The following EPB41L1 variants were observed in gnomAD, a reference collection of about 807,000 sequenced individuals.
The protein encoded by EPB41L1 is erythrocyte membrane protein band 4.1 like 1.
In EPB41L1, 29 loss-of-function variants were observed where a neutral mutation model predicts 97.8. The ratio of observed to expected loss-of-function variants is 0.30; its 90% confidence interval spans 0.22 to 0.40. The LOEUF is 0.40. EPB41L1 is among the 10% of genes least tolerant of loss of function. The probability of loss-of-function intolerance (pLI) is 1.00; values close to 1 mark genes in which losing one functional copy is unlikely to be tolerated. For missense variants in EPB41L1, 812 were observed against 1,162.3 expected (o/e 0.70, Z 4.38); for synonymous variants, 383 against 459.2 (o/e 0.83, Z 2.12).
chr20:36,154,375 G>A (rs1195782362), upstream of EPB41L1, among the ~76,000 whole-genome samples: 1 of 152,136 alleles, frequency 6.6e-6, no homozygotes, highest in East Asian at 1.9e-4. This position sits in a 1 kb window ranked among gnomAD's most constrained non-coding sequence, Gnocchi z 5.5. Context: ...GAGGCCCGGG[G>A]CTGGCTAGGA....
At chr20:36,152,001 G>T (rs1401628997), upstream of EPB41L1, 1 of 152,176 alleles carries the variant, frequency 6.6e-6, no homozygotes, top group Non-Finnish European at 1.5e-5. Context: ...CAGCTACTCG[G>T]GAGGCTGAGG....
In EPB41L1 at chr20:36,101,691, G is replaced by A. The variant is rs149111951; in HGVS notation, c.-65+10079G>A. On this transcript the variant is annotated intron_variant, in intron 1 of 19. Coordinates refer to the EPB41L1 transcript ENST00000202028. Reference sequence around the variant, plus strand: ...TTGTTTCCCCCTAAGAGCAACAAAGGTGAGCATGCTAAAAAGCAAAATAAA... The same window carrying A: ...TTGTTTCCCCCTAAGAGCAACAAAGATGAGCATGCTAAAAAGCAAAATAAA... 6.5e-3 allele frequency among the ~76,000 whole-genome samples: 984 copies of A among 152,268 alleles called. 13 individuals carry two copies. The highest frequency in any genetic ancestry group is 0.021 in the African/African-American group (893 of 41,554).
At chr20:36,104,590 C>T (rs2058131104) in intron 1 of EPB41L1, among the ~76,000 whole-genome samples, 2 of 152,118 alleles carry the variant, frequency 1.3e-5, no homozygotes, top group Admixed American at 1.3e-4. Context: ...CCTCTCTGCC[C>T]AGGCTTGTGC....
intron 2 of EPB41L1, among the ~76,000 whole-genome samples, chr20:36,140,938 G>A (rs2059614603): frequency 6.6e-6 from 1 of 152,238 alleles, no homozygotes; most frequent in Non-Finnish European, 1.5e-5. Context: ...CGAGGAGGCA[G>A]CAAGAGCCTG....
At chr20:36,210,346 G>A (rs549603030) in intron 15 of EPB41L1, among the ~76,000 whole-genome samples, 1 of 152,156 alleles carries the variant, frequency 6.6e-6, no homozygotes, top group East Asian at 1.9e-4. Flanking sequence ...ATCTGGCCCT[G>A]GGGTCTCAGG....
intron 2 of EPB41L1, among the ~76,000 whole-genome samples, chr20:36,174,250 G>C (rs1282887014): frequency 6.6e-5 from 10 of 151,726 alleles, no homozygotes. Flanking sequence ...ACCGCACCTG[G>C]CTAATTGTTT....
rs1389843537 is a variant in EPB41L1, at chr20:36,225,797, C to T, written c.2637+3403C>T. ...CCCAGGCTCCCGCCTTCCCATTTCCCTAGCCATTCAGAGCCCTCATCCTGG... is the reference window on the plus strand; with the variant it reads ...CCCAGGCTCCCGCCTTCCCATTTCCTTAGCCATTCAGAGCCCTCATCCTGG... On this transcript the variant is annotated intron_variant, in intron 21 of 21. Transcript: ENST00000338074. 2.0e-5 allele frequency among the ~76,000 whole-genome samples: 3 copies of T among 152,172 alleles called. No homozygotes were observed. The East Asian group carries it at 5.8e-4, about 29-fold the overall frequency.
At position 36,111,766 on chromosome 20, in the gene EPB41L1, G is replaced by C. The variant is rs540162850; in HGVS notation, c.-64-660G>C. Among the ~76,000 whole-genome samples the C allele has an allele frequency of 2.0e-4, 27 of 134,888 alleles. 1 individual carries two copies. Among genetic ancestry groups the C allele is most frequent in the African/African-American group, 8.2e-4 (27 of 32,962 alleles). 88.5% of individuals were successfully genotyped at this position (134,888 alleles called of 152,430 possible). On this transcript the variant is annotated intron_variant, in intron 1 of 19. Transcript: ENST00000202028. ...CGCACCATTGCACTCCAGCCTGGGC[G>C]ACAGAGCGAGACTCTGTCTCAAAAA...
chr20:36,111,803 A>AG (rs1313588273), intron 1 of EPB41L1, among the ~76,000 whole-genome samples: 1 of 151,376 alleles, frequency 6.6e-6, no homozygotes, highest in African/African-American at 2.4e-5. Context: ...AAAAAAAAAA[A>AG]AGAGAAAAGA....
chr20:36,102,267 C>T (rs757933811), intron 1 of EPB41L1, among the ~76,000 whole-genome samples: 6 of 152,124 alleles, frequency 3.9e-5, no homozygotes, highest in Non-Finnish European at 7.3e-5. Flanking sequence ...ATGGCATGCA[C>T]AATGTTAAGA....
chr20:36,218,959 T>A lies in EPB41L1; in HGVS notation c.2352T>A (p.Ser784=). The A allele has an allele frequency of 6.2e-7, 1 of 1,614,116 alleles. No homozygotes were observed. The change falls in exon 18 of 22, where the codon TCT becomes TCA. Residue 784 remains serine, a synonymous_variant. Transcript: ENST00000338074. ...TGGCCACGGAAATCCGTTCTCTTTC[T>A]CCGGTAAGTGGGCAAGGCCAGCTCA... ...QTVATEIRSL[S]PIIGKDVLTS...
chr20:36,222,266 C>G lies in EPB41L1; in HGVS notation c.2521-12C>G. ...GTTCATGGTTCCTTCCTTTGCTGTT[C>G]TTTACCACCAGGCCCTGGCTTTGGC... On this transcript the variant is annotated splice_polypyrimidine_tract_variant and intron_variant, in intron 20 of 21. Coordinates refer to ENST00000338074, the MANE Select transcript of EPB41L1 (RefSeq NM_012156.2). 2.5e-6 allele frequency: 4 copies of G among 1,607,828 alleles called. No individual in the cohort carries two copies. The highest frequency in any genetic ancestry group is 3.4e-6 in the Non-Finnish European group (4 of 1,174,306).
At chr20:36,156,955 A>G (rs1259858695) in intron 1 of EPB41L1, among the ~76,000 whole-genome samples, 3 of 152,090 alleles carry the variant, frequency 2.0e-5, no homozygotes, top group East Asian at 3.9e-4. Flanking sequence ...GGCGTGCGCC[A>G]TTGCGCACGC....
chr20:36,228,003 C>G (rs188777577), intron 21 of EPB41L1, among the ~76,000 whole-genome samples: 6 of 152,318 alleles, frequency 3.9e-5, no homozygotes, highest in Admixed American at 3.9e-4. Context: ...AAAACAGGAA[C>G]CTTGGGTTTT....
At chr20:36,193,113 C>T (rs992695427) in intron 11 of EPB41L1, among the ~76,000 whole-genome samples, 1 of 152,170 alleles carries the variant, frequency 6.6e-6, no homozygotes, top group Admixed American at 6.5e-5. Context: ...ATTACTATGT[C>T]AGGAGCCAAA....
upstream of EPB41L1, chr20:36,154,682 G>T: frequency 2.0e-6 from 2 of 981,374 alleles, no homozygotes; most frequent in South Asian, 9.1e-5. The surrounding 1 kb of genome is among the most constrained non-coding windows in gnomAD (Gnocchi z 5.5). Flanking sequence ...CCGGGGCTGT[G>T]GGCACCGTGC....
chr20:36,219,287 G>A (rs1182180625), intron 18 of EPB41L1, among the ~76,000 whole-genome samples: 1 of 152,180 alleles, frequency 6.6e-6, no homozygotes, highest in Non-Finnish European at 1.5e-5. Flanking sequence ...GGACTAGGAG[G>A]CCAGAGGCTT....
intron 13 of EPB41L1, among the ~76,000 whole-genome samples, chr20:36,197,457 C>A (rs576492233): frequency 6.6e-6 from 1 of 152,308 alleles, no homozygotes; most frequent in Non-Finnish European, 1.5e-5. Flanking sequence ...AGCTCTCTGG[C>A]AGTTGCTGCC....
At chr20:36,221,661 G>C (rs2063788390) in intron 19 of EPB41L1, among the ~76,000 whole-genome samples, 1 of 152,206 alleles carries the variant, frequency 6.6e-6, no homozygotes, top group African/African-American at 2.4e-5. Flanking sequence ...GGATAGTTTG[G>C]TAGTTTTGGG....
Sources: gnomAD v4.1 joint callset for allele counts (sites outside exome capture counted in the v4.1 genomes callset) on GRCh38, gnomAD v4.1.1 for gene constraint, Gnocchi (gnomAD v3.1) non-coding constraint, MANE v1.5 for transcripts, NCBI Gene and HGNC (gene_info 2026-07-23, HGNC 2026-07-21) for gene names.